Variants in ADAMTS15 observed in about 807,000 individuals in gnomAD.
ADAMTS15 encodes the protein ADAM metallopeptidase with thrombospondin type 1 motif 15.
In ADAMTS15, 35 loss-of-function variants were observed where a neutral mutation model predicts 79.1. That is an observed-to-expected ratio of 0.44 (90% CI 0.34 to 0.59). The LOEUF is 0.59. ADAMTS15 is among the 20% of genes least tolerant of loss of function. ADAMTS15 has a pLI of 0.02. For synonymous variants in ADAMTS15, 616 were observed against 567.3 expected (o/e 1.09, Z -1.22); for missense variants, 1,324 against 1,318.7 (o/e 1.00, Z -0.06).
chr11:130,454,359 T>G (rs548704435), intron 1 of ADAMTS15, among the ~76,000 whole-genome samples: 1 of 152,324 alleles, frequency 6.6e-6, no homozygotes, highest in South Asian at 2.1e-4. Flanking sequence ...TGTGTTTCAT[T>G]GGGGATGCCC....
intron 1 of ADAMTS15, among the ~76,000 whole-genome samples, chr11:130,458,537 G>T (rs918358864): frequency 2.6e-5 from 4 of 151,556 alleles, no homozygotes; most frequent in African/African-American, 9.8e-5. Flanking sequence ...AACCTACAGG[G>T]CCAGAAGGGG....
rs189906718 is a variant in ADAMTS15, at chr11:130,455,467, C to T, written c.957+5537C>T. On this transcript the variant is annotated intron_variant, in intron 1 of 7. Coordinates refer to ENST00000299164, the MANE Select transcript of ADAMTS15 (RefSeq NM_139055.4). ...GAACCTCTTTAGTCTTTGTAAGCCC[C>T]TTGGTGGATCCCTGCAAGTCGGCTG... Among the ~76,000 whole-genome samples the T allele has an allele frequency of 5.3e-5, 8 of 152,284 alleles. No individual in the cohort carries two copies. The East Asian group carries it at 1.5e-3, about 29-fold the overall frequency.
intron 5 of ADAMTS15, among the ~76,000 whole-genome samples, chr11:130,470,162 A>ATATACATG (rs1938405728): frequency 1.8e-5 from 1 of 56,580 alleles, no homozygotes; most frequent in African/African-American, 1.1e-4. Flanking sequence ...GTGTATATAT[A>ATATACATG]TATATATATA....
At chr11:130,469,151 C>A in intron 4 of ADAMTS15, 111 bp from the exon 5 acceptor site, 3 of 1,044,472 alleles carry the variant, frequency 2.9e-6, no homozygotes, top group South Asian at 3.7e-5. Flanking sequence ...AATTTCATTC[C>A]AGGAAGGTGG....
At chr11:130,464,209 G>A (rs754330446) in intron 4 of ADAMTS15, among the ~76,000 whole-genome samples, 5 of 152,174 alleles carry the variant, frequency 3.3e-5, no homozygotes, top group African/African-American at 4.8e-5. Context: ...TGAGGCTGGA[G>A]GATGCAGAGA....
At chr11:130,454,028 G>A (rs958504255) in intron 1 of ADAMTS15, among the ~76,000 whole-genome samples, 1 of 152,152 alleles carries the variant, frequency 6.6e-6, no homozygotes, top group African/African-American at 2.4e-5. Context: ...GTGTTGCCCA[G>A]GCTGGTCTCA....
chr11:130,468,581 C>T (rs112188603), intron 4 of ADAMTS15, among the ~76,000 whole-genome samples: 17,663 of 151,314 alleles, frequency 0.12, 1,059 homozygotes, highest in East Asian at 0.15. Flanking sequence ...CTGGCTAACA[C>T]GGTGAAACCC....
Position 130,470,948 on chromosome 11 carries a change from G to C in ADAMTS15, c.1749G>C (p.Gln583His). The C allele has an allele frequency of 6.2e-7, 1 of 1,613,868 alleles. No homozygotes were observed. ...SASGKSFREE[Q>H]CEAFNGYNHS... Reference sequence around the variant, plus strand: ...CCGGAAAGAGCTTCCGGGAGGAGCAGTGTGAGGCTTTCAACGGCTACAACC... The same window carrying C: ...CCGGAAAGAGCTTCCGGGAGGAGCACTGTGAGGCTTTCAACGGCTACAACC... The change falls in exon 6 of 8, where the codon CAG becomes CAC. Residue 583 changes from glutamine to histidine, a missense_variant. Gln to His is a conservative substitution (Grantham distance 24). Coordinates refer to ENST00000299164, the MANE Select transcript of ADAMTS15 (RefSeq NM_139055.4).
chr11:130,473,633 G>A lies in ADAMTS15; in HGVS notation c.2665G>A (p.Ala889Thr), dbSNP rs772873762. The change falls in exon 8 of 8, where the codon GCC becomes ACC. Residue 889 changes from alanine to threonine, a missense_variant. Coordinates refer to ENST00000299164, the MANE Select transcript of ADAMTS15 (RefSeq NM_139055.4). ...AGCCCATCGGCCCGTGGAGACACAA[G>A]CCTGCGGGGAGCCCTGCCCCACCTG... The part of the protein sequence containing the change: ...DAAHRPVETQ[A>T]CGEPCPTWEL... 92 of 1,608,708 alleles carry A rather than the reference G, an allele frequency of 5.7e-5. No individual in the cohort carries two copies. Among genetic ancestry groups the A allele is most frequent in the Middle Eastern group, 4.9e-4 (3 of 6,084 alleles).
In ADAMTS15 at chr11:130,460,585, G is replaced by A. The variant is rs747492993; in HGVS notation, c.958-904G>A. ...GGCCACCGTGCCTGGCCCAACACAC[G>A]TCTTCTTAAGAGGAGCAGAATGTAC... On this transcript the variant is annotated intron_variant, in intron 1 of 7. Coordinates refer to ENST00000299164, the MANE Select transcript of ADAMTS15 (RefSeq NM_139055.4). 5.3e-5 allele frequency among the ~76,000 whole-genome samples: 8 copies of A among 152,244 alleles called. No homozygotes were observed. The South Asian group carries it at 1.0e-3, about 20-fold the overall frequency.
chr11:130,464,916 A>G (rs1938270181), intron 4 of ADAMTS15, among the ~76,000 whole-genome samples: 1 of 151,590 alleles, frequency 6.6e-6, no homozygotes, highest in South Asian at 2.1e-4. Flanking sequence ...GCACTGAGCC[A>G]TGATCACGCC....
intron 1 of ADAMTS15, chr11:130,450,239 G>T (rs1346628475): frequency 1.0e-6 from 1 of 985,364 alleles, no homozygotes; most frequent in Admixed American, 6.1e-5. Flanking sequence ...CCGCCCCGGA[G>T]CTGCAGTTTG....
chr11:130,470,212 A>ACACATG lies in ADAMTS15; in HGVS notation c.1721-708_1721-707insCACATG, dbSNP rs1427990885. On this transcript the variant is annotated intron_variant, in intron 5 of 7. Transcript: ENST00000299164. Reference sequence around the variant, plus strand: ...TATATATATATATATATATATATGTATATATATATATATTTTCTGAGGTAG... The same window carrying ACACATG: ...TATATATATATATATATATATATGTACACATGTATATATATATATTTTCTGAGGTAG... Among the ~76,000 whole-genome samples the ACACATG allele has an allele frequency of 1.3e-4, 7 of 52,278 alleles. 1 individual carries two copies. Among genetic ancestry groups the ACACATG allele is most frequent in the African/African-American group, 7.9e-4 (7 of 8,854 alleles). The allele number at this position is 52,278 out of a possible 152,430, so 34.3% of individuals were successfully genotyped here. A position where few individuals can be genotyped will look rare whatever the true frequency, so the allele number is the denominator to read the frequency against.
At chr11:130,453,045 C>T (rs1045449795) in intron 1 of ADAMTS15, among the ~76,000 whole-genome samples, 2 of 151,636 alleles carry the variant, frequency 1.3e-5, no homozygotes, top group East Asian at 3.9e-4. Context: ...GGGGAGCTTA[C>T]AAGACAACAG....
intron 5 of ADAMTS15, among the ~76,000 whole-genome samples, chr11:130,470,168 A>ATATGTATATATGTATATG (rs1565397724): frequency 1.7e-5 from 1 of 58,688 alleles, no homozygotes; most frequent in Non-Finnish European, 3.2e-5. Flanking sequence ...ATATATATAT[A>ATATGTATATATGTATATG]TATATATATA....
intron 1 of ADAMTS15, among the ~76,000 whole-genome samples, chr11:130,457,985 T>C (rs544583224): frequency 5.5e-4 from 83 of 152,216 alleles, no homozygotes; most frequent in Non-Finnish European, 8.4e-4. Context: ...CTTGTTCCTC[T>C]CATTTGATCC....
intron 5 of ADAMTS15, among the ~76,000 whole-genome samples, chr11:130,470,154 G>GTA (rs869166777): frequency 0.035 from 1,922 of 55,396 alleles, 101 homozygotes; most frequent in Admixed American, 0.053. Context: ...ATATATATGT[G>GTA]TATATATATA....
At chr11:130,464,468 G>T (rs530696472) in intron 4 of ADAMTS15, among the ~76,000 whole-genome samples, 5 of 152,078 alleles carry the variant, frequency 3.3e-5, no homozygotes, top group Non-Finnish European at 7.4e-5. Flanking sequence ...TCTGTTTCAG[G>T]AATCCCATTC....
At chr11:130,468,270 G>A (rs1938344439) in intron 4 of ADAMTS15, among the ~76,000 whole-genome samples, 1 of 152,162 alleles carries the variant, frequency 6.6e-6, no homozygotes, top group Admixed American at 6.5e-5. Flanking sequence ...TGAAGCACCG[G>A]AAAGCTAAGG....
Sources: gnomAD v4.1 joint callset for allele counts (sites outside exome capture counted in the v4.1 genomes callset) on GRCh38, gnomAD v4.1.1 for gene constraint, MANE v1.5 for transcripts, NCBI Gene and HGNC (gene_info 2026-07-23, HGNC 2026-07-21) for gene names.